The following EPHB1 variants were observed in gnomAD, a reference collection of about 807,000 sequenced individuals.
EPHB1 encodes EPH receptor B1.
In EPHB1, 30 loss-of-function variants were observed where a neutral mutation model predicts 94.4. The ratio of observed to expected loss-of-function variants is 0.32; its 90% CI spans 0.24 to 0.43. EPHB1 has a LOEUF of 0.43. Ranked by LOEUF, EPHB1 falls within the 20% of genes least tolerant of loss-of-function variation. EPHB1 has a pLI of 1.00. For missense variants in EPHB1, 1,055 were observed against 1,308.3 expected (o/e 0.81, Z 2.99); for synonymous variants, 522 against 489.1 (o/e 1.07, Z -0.89).
At chr3:134,980,570 C>T (rs36115) in intron 3 of EPHB1, among the ~76,000 whole-genome samples, 95,991 of 152,098 alleles carry the variant, frequency 0.63, 32,114 homozygotes, top group African/African-American at 0.83. Context: ...AGAAAGTAAA[C>T]GAGCAAGATA....
chr3:135,181,270 G>A (rs1009807245), intron 10 of EPHB1, among the ~76,000 whole-genome samples: 3 of 152,130 alleles, frequency 2.0e-5, no homozygotes, highest in East Asian at 1.9e-4. Flanking sequence ...ACCTGCTCCC[G>A]CCAACCCCTC....
intron 1 of EPHB1, among the ~76,000 whole-genome samples, chr3:134,880,147 G>A (rs1427808422): frequency 6.6e-6 from 1 of 152,192 alleles, no homozygotes; most frequent in African/African-American, 2.4e-5. Flanking sequence ...ACTGGCCCAA[G>A]GGCAGCTGGT....
chr3:134,827,647 T>C (rs1229142537), intron 1 of EPHB1, among the ~76,000 whole-genome samples: 1 of 152,222 alleles, frequency 6.6e-6, no homozygotes, highest in African/African-American at 2.4e-5. Context: ...ATGTGTAGCA[T>C]GTTTAGTTCT....
chr3:134,829,264 G>T (rs2036539277), intron 1 of EPHB1, among the ~76,000 whole-genome samples: 1 of 152,024 alleles, frequency 6.6e-6, no homozygotes, highest in Admixed American at 6.5e-5. Context: ...CTCCAGGCTT[G>T]TTTTGGAGGG....
chr3:134,881,018 G>A (rs2037719927), intron 1 of EPHB1, among the ~76,000 whole-genome samples: 1 of 152,224 alleles, frequency 6.6e-6, no homozygotes, highest in Non-Finnish European at 1.5e-5. Context: ...CACCTTGGCA[G>A]ATCAAGGATA....
chr3:135,098,380 T>C (rs771066233), intron 3 of EPHB1, among the ~76,000 whole-genome samples: 15 of 152,156 alleles, frequency 9.9e-5, no homozygotes, highest in Admixed American at 3.3e-4. Flanking sequence ...AAGTTCATAG[T>C]CTCATACTCT....
In EPHB1 at chr3:135,097,402, G is replaced by A. The variant is rs568388713; in HGVS notation, c.806-9046G>A. On this transcript the variant is annotated intron_variant, in intron 3 of 15. Coordinates refer to ENST00000398015, the MANE Select transcript of EPHB1 (RefSeq NM_004441.5). ...TACAACCAGACAGGACCCTGGCTCT[G>A]AAGGTCTTGGCTACGCTCTGGGAAC... is the stretch of plus-strand genomic sequence containing the variant. Among the ~76,000 whole-genome samples the A allele has an allele frequency of 2.6e-5, 4 of 152,206 alleles. No homozygotes were observed. The South Asian group carries it at 8.3e-4, about 32-fold the overall frequency.
rs1318740794 is a variant in EPHB1, at chr3:135,259,115, G to A, written c.2950G>A (p.Ala984Thr). The A allele has an allele frequency of 1.2e-6, 2 of 1,605,820 alleles. No individual in the cohort carries two copies. The highest frequency in any genetic ancestry group is 2.2e-5 in the East Asian group (1 of 44,706). Residue 984 changes from alanine to threonine, a missense_variant, in exon 16 of 16, where the codon GCA becomes ACA. Physicochemically the swap from Ala to Thr is moderately conservative, Grantham distance 58. Coordinates refer to ENST00000398015, the MANE Select transcript of EPHB1 (RefSeq NM_004441.5). ...GATAAGTCAGTCACCAACGGCAATG[G>A]CATGAGAACTCTTGTTTCTTGGGGA... The part of the protein sequence containing the change: ...VQISQSPTAM[A>T]
chr3:135,130,295 T>C (rs550706672), intron 4 of EPHB1, among the ~76,000 whole-genome samples: 12 of 152,250 alleles, frequency 7.9e-5, no homozygotes, highest in African/African-American at 2.4e-4. Flanking sequence ...AAGATGTGGC[T>C]CCCAGGGCCT....
intron 3 of EPHB1, among the ~76,000 whole-genome samples, chr3:135,054,040 T>TACAC (rs1553727022): frequency 0.062 from 8,640 of 139,764 alleles, 333 homozygotes; most frequent in Middle Eastern, 0.096. Context: ...TATATATATA[T>TACAC]ACACACACAC....
chr3:134,906,608 G>C (rs1196224920), intron 1 of EPHB1, among the ~76,000 whole-genome samples: 1 of 152,242 alleles, frequency 6.6e-6, no homozygotes, highest in Admixed American at 6.5e-5. Flanking sequence ...CCAGCCTATA[G>C]TTTGCTTACA....
At chr3:135,051,464 T>C (rs1937165852) in intron 3 of EPHB1, among the ~76,000 whole-genome samples, 1 of 152,210 alleles carries the variant, frequency 6.6e-6, no homozygotes, top group African/African-American at 2.4e-5. Flanking sequence ...TAATAACTTA[T>C]TCCTTGAAGG....
rs937737841 is a variant in EPHB1 at position 134,801,243 on chromosome 3, G to T, written c.58+5554G>T. On this transcript the variant is annotated intron_variant, in intron 1 of 15. Transcript: ENST00000398015. ...TAACTCCACTATTCCCACCCCTATT[G>T]CAGCCCTATACACTCATAGACACAG... Among the ~76,000 whole-genome samples, 21 of 152,132 alleles carry T rather than the reference G, an allele frequency of 1.4e-4. 1 individual carries two copies.
intron 3 of EPHB1, among the ~76,000 whole-genome samples, chr3:135,004,113 T>C (rs59476370): frequency 3.9e-5 from 6 of 152,078 alleles, no homozygotes; most frequent in Non-Finnish European, 7.3e-5. Context: ...TTCCTTTCCA[T>C]GTTTAGCGCT....
At chr3:134,858,361 C>T (rs2037170590) in intron 1 of EPHB1, among the ~76,000 whole-genome samples, 3 of 152,116 alleles carry the variant, frequency 2.0e-5, no homozygotes, top group African/African-American at 7.2e-5. Context: ...CTGGCAGTGG[C>T]ACGTGGGAGG....
At chr3:134,995,527 A>C (rs1271257709) in intron 3 of EPHB1, among the ~76,000 whole-genome samples, 1 of 152,230 alleles carries the variant, frequency 6.6e-6, no homozygotes, top group African/African-American at 2.4e-5. Context: ...GAGCATATGA[A>C]AGGAAGTTTA....
chr3:134,907,718 A>G (rs568362549), intron 1 of EPHB1, among the ~76,000 whole-genome samples: 1 of 152,216 alleles, frequency 6.6e-6, no homozygotes, highest in African/African-American at 2.4e-5. Context: ...GAAAAAGAGA[A>G]TAGACATCTT....
At chr3:134,874,681 T>C (rs552901257) in intron 1 of EPHB1, among the ~76,000 whole-genome samples, 1 of 152,294 alleles carries the variant, frequency 6.6e-6, no homozygotes, top group East Asian at 1.9e-4. Context: ...GACTCCTGCA[T>C]TGACAACCTC....
chr3:135,117,624 T>C (rs13096735), intron 4 of EPHB1, among the ~76,000 whole-genome samples: 30,615 of 152,156 alleles, frequency 0.2, 3,361 homozygotes, highest in South Asian at 0.32. Context: ...GATAGAGAAC[T>C]AGAGGCTAGT....
Sources: gnomAD v4.1 joint callset for allele counts (sites outside exome capture counted in the v4.1 genomes callset) on GRCh38, gnomAD v4.1.1 for gene constraint, MANE v1.5 for transcripts, NCBI Gene and HGNC (gene_info 2026-07-23, HGNC 2026-07-21) for gene names.